ELOC: variants seen among roughly 807,000 people sequenced by gnomAD.
The protein encoded by ELOC is elongin C.
For synonymous variants in ELOC, 40 were observed against 51.3 expected (o/e 0.78, Z 0.94); for missense variants, 38 against 139.0 (o/e 0.27, Z 3.65).
chr8:73,951,647 CACAACA>C lies in ELOC; in HGVS notation c.148+4258_148+4263del, dbSNP rs71269967. ...TCAAAAACAAACAAACAAAAAACCCCACAACAACAACAACAACAACAACAACAACAA... is the reference window on the plus strand; with the variant it reads ...TCAAAAACAAACAAACAAAAAACCCCACAACAACAACAACAACAACAACAA... On this transcript the variant is annotated intron_variant, in intron 3 of 3. Coordinates refer to ENST00000520242, the MANE Select transcript of ELOC (RefSeq NM_005648.4). 7.8e-3 allele frequency among the ~76,000 whole-genome samples: 1,164 copies of C among 149,904 alleles called. 14 individuals are homozygous for C. Among genetic ancestry groups the C allele is most frequent in the African/African-American group, 0.024 (961 of 40,702 alleles).
intron 1 of ELOC, among the ~76,000 whole-genome samples, chr8:73,968,543 T>C (rs552571548): frequency 6.6e-6 from 1 of 152,344 alleles, no homozygotes; most frequent in East Asian, 1.9e-4. Context: ...AACAGAACCT[T>C]TCGAAAGATA....
chr8:73,970,680 C>T (rs1436082386), intron 1 of ELOC: 1 of 152,004 alleles, frequency 6.6e-6, no homozygotes, highest in Non-Finnish European at 1.5e-5. Flanking sequence ...AGACATATGT[C>T]ATTTTAGGTA....
intron 3 of ELOC, 38 bp from the exon 4 acceptor site, chr8:73,946,858 T>C (rs1189198095): frequency 6.4e-7 from 1 of 1,557,576 alleles, no homozygotes; most frequent in Non-Finnish European, 8.8e-7. Flanking sequence ...ATTGGCTGAA[T>C]TGTGTCCTCC....
At chr8:73,957,245 C>T (rs1814255875) in intron 2 of ELOC, among the ~76,000 whole-genome samples, 2 of 151,002 alleles carry the variant, frequency 1.3e-5, no homozygotes, top group Admixed American at 1.3e-4. Flanking sequence ...TTAATATGGA[C>T]AAAATATTGG....
At chr8:73,969,167 C>T (rs1390843800) in intron 1 of ELOC, among the ~76,000 whole-genome samples, 5 of 152,292 alleles carry the variant, frequency 3.3e-5, no homozygotes, top group East Asian at 1.9e-4. Context: ...TACTAGTTAT[C>T]GAACTCAGTA....
chr8:73,954,651 CA>C (rs547357092), intron 3 of ELOC, among the ~76,000 whole-genome samples: 40,283 of 106,320 alleles, frequency 0.38, 5,690 homozygotes, highest in Admixed American at 0.46. Flanking sequence ...GACTCCGTCT[CA>C]AAAAAAAAAA....
chr8:73,958,574 C>G (rs1402307459), intron 2 of ELOC, among the ~76,000 whole-genome samples: 1 of 152,212 alleles, frequency 6.6e-6, no homozygotes, highest in Non-Finnish European at 1.5e-5. Flanking sequence ...TAAGTAGCTT[C>G]TAAATTACAG....
rs575620923 is a variant in ELOC at position 73,953,015 on chromosome 8, A to G, written c.148+2896T>C. On this transcript the variant is annotated intron_variant, in intron 3 of 3. Transcript: ENST00000520242. ...CATTAAGGAAATGCAAATCAAAACC[A>G]CCAGATAGGCTGGGTGTGCTGGCTC... is the stretch of plus-strand genomic sequence containing the variant. 2.0e-5 allele frequency among the ~76,000 whole-genome samples: 3 copies of G among 152,204 alleles called. No individual in the cohort carries two copies. The South Asian group carries it at 6.2e-4, about 32-fold the overall frequency.
rs190723704 is a variant in ELOC at position 73,952,924 on chromosome 8, A to T, written c.148+2987T>A. 3.9e-4 allele frequency among the ~76,000 whole-genome samples: 59 copies of T among 152,362 alleles called. No homozygotes were observed. The Middle Eastern group carries it at 0.027, about 70-fold the overall frequency. Reference sequence around the variant, plus strand: ...AAAAATGGGCAAAAGACTTGAATAGACATTTCTCCAAAGGAGATACAAAAA... The same window carrying T: ...AAAAATGGGCAAAAGACTTGAATAGTCATTTCTCCAAAGGAGATACAAAAA... On this transcript the variant is annotated intron_variant, in intron 3 of 3. Coordinates refer to ENST00000520242, the MANE Select transcript of ELOC (RefSeq NM_005648.4).
intron 3 of ELOC, among the ~76,000 whole-genome samples, chr8:73,952,510 G>T (rs1813845153): frequency 6.6e-6 from 1 of 150,882 alleles, no homozygotes; most frequent in Admixed American, 6.6e-5. Flanking sequence ...GCCAGGTGCG[G>T]TGGCTCATGC....
intron 3 of ELOC, among the ~76,000 whole-genome samples, chr8:73,950,245 T>C (rs1451118765): frequency 6.6e-6 from 1 of 152,094 alleles, no homozygotes; most frequent in Non-Finnish European, 1.5e-5. Context: ...CTTTCTGACA[T>C]AAAAATGAAG....
At chr8:73,956,923 C>T (rs1057184925) in intron 2 of ELOC, among the ~76,000 whole-genome samples, 8 of 152,000 alleles carry the variant, frequency 5.3e-5, no homozygotes, top group South Asian at 2.1e-4. Flanking sequence ...GGGTGGATCA[C>T]GACGTCAGGA....
In ELOC at chr8:73,962,408, A is replaced by G. The variant is rs1814666013; in HGVS notation, c.-50-2590T>C. Among the ~76,000 whole-genome samples the G allele has an allele frequency of 2.0e-5, 3 of 152,182 alleles. No individual in the cohort carries two copies. In the South Asian group the frequency reaches 6.2e-4, roughly 32 times the overall value. On this transcript the variant is annotated intron_variant, in intron 1 of 3. Coordinates refer to ENST00000520242, the MANE Select transcript of ELOC (RefSeq NM_005648.4). The stretch of plus-strand genomic sequence containing the variant: ...AAAAATTCTGGCTCCAGTTAAACTT[A>G]ATTGCCACAATTCCCAACAGCTACT...
At chr8:73,950,777 C>G (rs774767756) in intron 3 of ELOC, among the ~76,000 whole-genome samples, 2 of 152,150 alleles carry the variant, frequency 1.3e-5, no homozygotes, top group Admixed American at 1.3e-4. Flanking sequence ...TATGAGTTTA[C>G]AGAATAAAGC....
intron 2 of ELOC, 141 bp from the exon 3 acceptor site, chr8:73,956,195 A>G (rs1422689419): frequency 2.8e-6 from 2 of 703,888 alleles, no homozygotes; most frequent in East Asian, 2.7e-5. Context: ...GTTCAAGACC[A>G]GCCTGGTCAA....
At chr8:73,969,443 T>C (rs932503770) in intron 1 of ELOC, 3 of 152,234 alleles carry the variant, frequency 2.0e-5, no homozygotes, top group Non-Finnish European at 4.4e-5. Flanking sequence ...CAACTGGACA[T>C]TTGATTTACT....
At chr8:73,968,520 G>T (rs1815145067) in intron 1 of ELOC, among the ~76,000 whole-genome samples, 1 of 152,156 alleles carries the variant, frequency 6.6e-6, no homozygotes, top group Admixed American at 6.5e-5. Context: ...ATTAATCATA[G>T]ATTCTACATA....
At chr8:73,947,218 A>AC (rs1382830399) in intron 3 of ELOC, among the ~76,000 whole-genome samples, 21 of 152,078 alleles carry the variant, frequency 1.4e-4, no homozygotes, top group African/African-American at 5.1e-4. Context: ...CAAACTCCTG[A>AC]CCTCATGATC....
intron 1 of ELOC, among the ~76,000 whole-genome samples, chr8:73,964,266 A>G (rs1478769375): frequency 6.7e-6 from 1 of 148,786 alleles, no homozygotes; most frequent in Non-Finnish European, 1.5e-5. Context: ...AAAAAAAAAG[A>G]TAAGCACAGA....
Sources: gnomAD v4.1 joint callset for allele counts (sites outside exome capture counted in the v4.1 genomes callset) on GRCh38, gnomAD v4.1.1 for gene constraint, MANE v1.5 for transcripts, NCBI Gene and HGNC (gene_info 2026-07-23, HGNC 2026-07-21) for gene names.